Variants in TMEFF2 observed in about 807,000 individuals in gnomAD.
The protein encoded by TMEFF2 is transmembrane protein with EGF like and two follistatin like domains 2.
TMEFF2 carries 28 observed loss-of-function variants against 53.8 expected under a neutral mutation model. The observed-to-expected ratio is 0.52, with a 90% CI of 0.39 to 0.71. TMEFF2 has a LOEUF of 0.71. Among genes scored for constraint, TMEFF2 ranks in the 30% least tolerant of loss-of-function variants. TMEFF2 has a pLI of 0.00. For missense variants in TMEFF2, 353 were observed against 455.2 expected, an observed-to-expected ratio of 0.78 and a Z score of 2.04; for synonymous variants, 162 against 166.3, an observed-to-expected ratio of 0.97 and a Z score of 0.20.
At chr2:192,075,392 C>T (rs1048021861) in intron 4 of TMEFF2, among the ~76,000 whole-genome samples, 1 of 143,370 alleles carries the variant, frequency 7.0e-6, no homozygotes, top group Admixed American at 7.2e-5. Context: ...CCTAATTCTT[C>T]CATGTATAAA....
At chr2:191,980,595 G>T (rs1278896858) in intron 7 of TMEFF2, among the ~76,000 whole-genome samples, 1 of 152,044 alleles carries the variant, frequency 6.6e-6, no homozygotes, top group Non-Finnish European at 1.5e-5. Flanking sequence ...GGTTACCCAG[G>T]TATTTATTTG....
intron 4 of TMEFF2, among the ~76,000 whole-genome samples, chr2:192,114,064 TTGTGTG>T (rs34553641): frequency 0.36 from 50,856 of 142,928 alleles, 9,169 homozygotes; most frequent in East Asian, 0.56. Flanking sequence ...AATCTGGAAA[TTGTGTG>T]TGTGTGTGTG....
Position 192,194,738 on chromosome 2 carries a change from G to C in TMEFF2, c.-214C>G, listed in dbSNP as rs532866482. 552 of 585,814 alleles carry C rather than the reference G, an allele frequency of 9.4e-4. 2 individuals carry two copies. Among genetic ancestry groups the C allele is most frequent in the African/African-American group, 9.2e-3 (493 of 53,416 alleles). The allele number at this position is 585,814 out of a possible 1,614,324, so 36.3% of individuals were successfully genotyped here. A position where few individuals can be genotyped will look rare whatever the true frequency, so the allele number is the denominator to read the frequency against. ...ACTGGGCTCAGCCCCGGAGCGAGAG[G>C]GTCGTCCGCTGAGAAGCTGCGCCGG... is the stretch of plus-strand genomic sequence containing the variant. On this transcript the variant is annotated 5_prime_UTR_variant, in exon 1 of 10. Coordinates refer to ENST00000272771, the MANE Select transcript of TMEFF2 (RefSeq NM_016192.4). This position sits in a 1 kb window ranked among gnomAD's most constrained non-coding sequence, Gnocchi z 4.2.
At chr2:192,025,769 G>A (rs186350279) in intron 5 of TMEFF2, among the ~76,000 whole-genome samples, 1 of 152,298 alleles carries the variant, frequency 6.6e-6, no homozygotes, top group East Asian at 1.9e-4. Flanking sequence ...CTAAAATGAA[G>A]CAGGATATGG....
intron 4 of TMEFF2, among the ~76,000 whole-genome samples, chr2:192,083,399 C>T (rs141831939): frequency 1.1e-4 from 16 of 152,108 alleles, no homozygotes; most frequent in African/African-American, 3.9e-4. Context: ...GCCAAACCTC[C>T]AAGATTTCCT....
At chr2:191,979,118 G>T (rs753733822) in intron 7 of TMEFF2, among the ~76,000 whole-genome samples, 2 of 152,256 alleles carry the variant, frequency 1.3e-5, no homozygotes, top group South Asian at 4.1e-4. Context: ...CAAAGTGACC[G>T]TCTTGTATAT....
chr2:192,057,584 C>T (rs1574334319), intron 5 of TMEFF2, 95 bp downstream of exon 5: 1 of 1,087,226 alleles, frequency 9.2e-7, no homozygotes, highest in Non-Finnish European at 1.4e-6. Flanking sequence ...AATAAAAATG[C>T]AGACAATGTC....
intron 4 of TMEFF2, among the ~76,000 whole-genome samples, chr2:192,064,307 T>G (rs753660132): frequency 1.1e-4 from 17 of 151,964 alleles, no homozygotes; most frequent in Non-Finnish European, 2.2e-4. Flanking sequence ...AATTATCATA[T>G]TCCAGTCTTT....
intron 4 of TMEFF2, among the ~76,000 whole-genome samples, chr2:192,141,330 G>A (rs1042384175): frequency 6.6e-6 from 1 of 151,934 alleles, no homozygotes; most frequent in South Asian, 2.1e-4. Flanking sequence ...GTGCATGCCT[G>A]TAATCCCAGT....
At chr2:192,075,330 T>TATATATATAC (rs1559115271) in intron 4 of TMEFF2, among the ~76,000 whole-genome samples, 1 of 100,980 alleles carries the variant, frequency 9.9e-6, no homozygotes, top group Non-Finnish European at 2.0e-5. Context: ...TATATATATA[T>TATATATATAC]ATACATACAT....
Position 191,950,557 on chromosome 2 carries a change from G to A in TMEFF2, c.1029-150C>T, listed in dbSNP as rs554791929. The A allele has an allele frequency of 4.3e-5, 52 of 1,206,208 alleles. No homozygotes were observed. In the African/African-American group the frequency reaches 6.8e-4, roughly 16 times the overall value. The allele number at this position is 1,206,208 out of a possible 1,614,324, so 74.7% of individuals were successfully genotyped here. ...ATTAGTAGAAGCTTGGATTATTTTG[G>A]AAAAGTTATTATTTTGCTTTTCTGT... On this transcript the variant is annotated intron_variant, in intron 9 of 9. Coordinates refer to ENST00000272771, the MANE Select transcript of TMEFF2 (RefSeq NM_016192.4).
At chr2:192,124,419 A>G (rs1185162332) in intron 4 of TMEFF2, among the ~76,000 whole-genome samples, 1 of 152,200 alleles carries the variant, frequency 6.6e-6, no homozygotes, top group Non-Finnish European at 1.5e-5. Flanking sequence ...TCCCTACAGA[A>G]GACATTCTAA....
chr2:192,163,285 A>G lies in TMEFF2; in HGVS notation c.439+16383T>C, dbSNP rs571435522. 1.8e-4 allele frequency among the ~76,000 whole-genome samples: 27 copies of G among 152,340 alleles called. No individual in the cohort carries two copies. The South Asian group carries it at 4.8e-3, about 27-fold the overall frequency. On this transcript the variant is annotated intron_variant, in intron 4 of 9. Coordinates refer to ENST00000272771, the MANE Select transcript of TMEFF2 (RefSeq NM_016192.4). ...TTGACAAAGAAGGAGAAATGCTCCAAAGGTGTTGCTAGTGATAAGCTGTTA... is the reference window on the plus strand; with the variant it reads ...TTGACAAAGAAGGAGAAATGCTCCAGAGGTGTTGCTAGTGATAAGCTGTTA...
chr2:192,059,409 C>G (rs906836657), intron 4 of TMEFF2, among the ~76,000 whole-genome samples: 1 of 152,122 alleles, frequency 6.6e-6, no homozygotes, highest in African/African-American at 2.4e-5. Flanking sequence ...AAGAGGGAAG[C>G]TGGGGCCTCA....
Position 191,952,967 on chromosome 2 carries a change from C to G in TMEFF2, c.1028+712G>C, listed in dbSNP as rs145753013. Among the ~76,000 whole-genome samples, 19 of 152,298 alleles carry G rather than the reference C, an allele frequency of 1.2e-4. No homozygotes were observed. In the East Asian group the frequency reaches 3.7e-3, roughly 29 times the overall value. ...CAATGACTTTTCTGGTTACACAGAA[C>G]ATAAATGATACGCATTTTGCTTAAA... On this transcript the variant is annotated intron_variant, in intron 9 of 9. Coordinates refer to ENST00000272771, the MANE Select transcript of TMEFF2 (RefSeq NM_016192.4).
At chr2:191,999,671 A>G (rs908265518) in intron 5 of TMEFF2, among the ~76,000 whole-genome samples, 2 of 152,060 alleles carry the variant, frequency 1.3e-5, no homozygotes, top group African/African-American at 4.8e-5. Flanking sequence ...ATTATTTGGC[A>G]TGCAATCAGG....
chr2:192,144,184 C>T (rs1690198642), intron 4 of TMEFF2, among the ~76,000 whole-genome samples: 1 of 152,016 alleles, frequency 6.6e-6, no homozygotes, highest in Non-Finnish European at 1.5e-5. Context: ...CAGTCCTTCC[C>T]ACATCGTCGC....
intron 5 of TMEFF2, chr2:192,036,297 AT>A (rs1468898417): frequency 6.6e-6 from 1 of 152,244 alleles, no homozygotes; most frequent in Non-Finnish European, 1.5e-5. Context: ...GCTATGGGAT[AT>A]CTGACCAACT....
At chr2:192,193,010 G>A (rs1559166711) in intron 1 of TMEFF2, among the ~76,000 whole-genome samples, 1 of 152,116 alleles carries the variant, frequency 6.6e-6, no homozygotes, top group Non-Finnish European at 1.5e-5. Context: ...ATCTCAACTT[G>A]TCTTTGTAAA....
Sources: allele counts gnomAD v4.1 joint callset (sites outside exome capture counted in the v4.1 genomes callset), GRCh38; gene constraint gnomAD v4.1.1; non-coding constraint Gnocchi (gnomAD v3.1); transcripts MANE v1.5; gene names NCBI Gene and HGNC (gene_info 2026-07-23, HGNC 2026-07-21).